Variants in NCAM2 observed in about 807,000 individuals in gnomAD.
NCAM2 encodes N-CAM-2.
Under a neutral mutation model 98.1 loss-of-function variants are expected in NCAM2, and 30 were observed. The observed-to-expected ratio is 0.31, with a 90% CI of 0.23 to 0.41. The LOEUF is 0.41. Among genes scored for constraint, NCAM2 ranks in the 10% least tolerant of loss-of-function variants. The pLI is 1.00. For synonymous variants in NCAM2, 368 were observed against 342.4 expected (o/e 1.07, Z -0.83); for missense variants, 867 against 1,005.8 (o/e 0.86, Z 1.87).
chr21:21,501,433 T>A (rs1408479343), intron 15 of NCAM2, among the ~76,000 whole-genome samples: 4 of 152,018 alleles, frequency 2.6e-5, no homozygotes, highest in African/African-American at 9.7e-5. Flanking sequence ...ATTCAATGGA[T>A]GAAATTATAT....
chr21:21,442,783 T>C (rs1180247863), intron 12 of NCAM2, among the ~76,000 whole-genome samples: 3 of 152,188 alleles, frequency 2.0e-5, no homozygotes, highest in South Asian at 2.1e-4. Context: ...GTGTGACTTT[T>C]CTAAATTTAT....
chr21:21,476,103 A>G (rs1649526216), intron 14 of NCAM2, among the ~76,000 whole-genome samples: 1 of 152,144 alleles, frequency 6.6e-6, no homozygotes, highest in African/African-American at 2.4e-5. Flanking sequence ...CTTTATACTC[A>G]AAGAAGCAGT....
chr21:21,421,963 C>T (rs1239680518), intron 11 of NCAM2, among the ~76,000 whole-genome samples: 1 of 152,044 alleles, frequency 6.6e-6, no homozygotes, highest in Non-Finnish European at 1.5e-5. Flanking sequence ...TTGCATTTTC[C>T]CTTTTTAATA....
intron 1 of NCAM2, among the ~76,000 whole-genome samples, chr21:21,220,525 A>T (rs1341006234): frequency 6.6e-6 from 1 of 152,152 alleles, no homozygotes; most frequent in Non-Finnish European, 1.5e-5. Context: ...TAATGATAAA[A>T]TTACCTAAGG....
intron 15 of NCAM2, among the ~76,000 whole-genome samples, chr21:21,496,515 C>G (rs1186270610): frequency 2.0e-5 from 3 of 151,940 alleles, no homozygotes; most frequent in Non-Finnish European, 4.4e-5. Context: ...GATAATAGAC[C>G]TTTGTAGGAT....
chr21:21,320,793 G>A (rs1290788032), intron 5 of NCAM2, among the ~76,000 whole-genome samples: 1 of 152,042 alleles, frequency 6.6e-6, no homozygotes, highest in Non-Finnish European at 1.5e-5. Context: ...GATGTAAATT[G>A]AAAAATGAGG....
intron 16 of NCAM2, among the ~76,000 whole-genome samples, chr21:21,523,100 T>C (rs182067864): frequency 3.3e-5 from 5 of 152,350 alleles, no homozygotes; most frequent in African/African-American, 1.2e-4. Flanking sequence ...TCCTTGTTAA[T>C]TGAATAGTTT....
At chr21:21,527,113 A>ATTT (rs34914462) in intron 16 of NCAM2, among the ~76,000 whole-genome samples, 1 of 140,820 alleles carries the variant, frequency 7.1e-6, no homozygotes. Context: ...TGAAAGAAAG[A>ATTT]TTTTTTTTTT....
intron 12 of NCAM2, among the ~76,000 whole-genome samples, chr21:21,456,530 A>G (rs1295309456): frequency 6.6e-6 from 1 of 152,224 alleles, no homozygotes; most frequent in Non-Finnish European, 1.5e-5. Context: ...ATATTCTGAG[A>G]AAGACACTGT....
intron 1 of NCAM2, among the ~76,000 whole-genome samples, chr21:21,086,947 A>G (rs1395806933): frequency 2.6e-5 from 4 of 151,550 alleles, no homozygotes. Context: ...TTTTTTACAA[A>G]TACAGAAATA....
At chr21:21,318,249 A>T (rs1296948107) in intron 5 of NCAM2, among the ~76,000 whole-genome samples, 1 of 152,196 alleles carries the variant, frequency 6.6e-6, no homozygotes, top group Non-Finnish European at 1.5e-5. Flanking sequence ...ATTAACTTTC[A>T]AGAATTAAAG....
intron 15 of NCAM2, among the ~76,000 whole-genome samples, chr21:21,487,843 T>C (rs965261192): frequency 6.6e-6 from 1 of 152,162 alleles, no homozygotes; most frequent in African/African-American, 2.4e-5. Context: ...AGCAGTAAAT[T>C]CTTTCCTATA....
chr21:21,180,543 A>G (rs1218564720), intron 1 of NCAM2, among the ~76,000 whole-genome samples: 1 of 152,202 alleles, frequency 6.6e-6, no homozygotes, highest in Admixed American at 6.5e-5. Flanking sequence ...ACTCAATAAT[A>G]TAATTTATTT....
Position 21,396,586 on chromosome 21 carries a change from AGTGGTGAGGG to A in NCAM2, c.1196-13684_1196-13675del, listed in dbSNP as rs569003875. 1.8e-3 allele frequency among the ~76,000 whole-genome samples: 274 copies of A among 152,078 alleles called. 1 individual carries two copies. The highest frequency in any genetic ancestry group is 6.5e-3 in the African/African-American group (270 of 41,512). On this transcript the variant is annotated intron_variant, in intron 9 of 17. Transcript: ENST00000400546. ...CCCGCCAAGGGTGAACCAGGTGGGG[AGTGGTGAGGG>A]GTGTATCAGTGGGCGAGTGCAGGGT...
At chr21:21,229,468 GT>G in intron 1 of NCAM2, among the ~76,000 whole-genome samples, 1 of 151,568 alleles carries the variant, frequency 6.6e-6, no homozygotes, top group Admixed American at 6.6e-5. Flanking sequence ...CTTTCTTTGT[GT>G]TGTGGACATT....
chr21:21,054,402 G>A (rs1241024238), intron 1 of NCAM2, among the ~76,000 whole-genome samples: 2 of 151,928 alleles, frequency 1.3e-5, no homozygotes, highest in Non-Finnish European at 2.9e-5. Flanking sequence ...TAACAGATCA[G>A]CGTAAAATGT....
chr21:21,173,976 T>G (rs2068202078), intron 1 of NCAM2, among the ~76,000 whole-genome samples: 1 of 152,102 alleles, frequency 6.6e-6, no homozygotes, highest in African/African-American at 2.4e-5. Flanking sequence ...CAGGCTGGAG[T>G]GCAGTGGCGC....
chr21:21,470,519 G>A (rs563488439), intron 14 of NCAM2, among the ~76,000 whole-genome samples: 79 of 152,080 alleles, frequency 5.2e-4, no homozygotes, highest in Non-Finnish European at 7.8e-4. Flanking sequence ...TACTGATAAA[G>A]TTTAAACAAG....
rs566213973 is a variant in NCAM2 at position 21,244,307 on chromosome 21, T to A, written c.56-36271T>A. Among the ~76,000 whole-genome samples the A allele has an allele frequency of 1.6e-4, 25 of 152,284 alleles. No homozygotes were observed. The East Asian group carries it at 4.6e-3, about 28-fold the overall frequency. On this transcript the variant is annotated intron_variant, in intron 1 of 17. Coordinates refer to ENST00000400546, the MANE Select transcript of NCAM2 (RefSeq NM_004540.5). ...GTAACAAGAATGTCAAAACCCGTAGTAACTGGAAATGTTTATTTAGTATAA... is the reference window on the plus strand; with the variant it reads ...GTAACAAGAATGTCAAAACCCGTAGAAACTGGAAATGTTTATTTAGTATAA...
Sources: gnomAD v4.1 joint callset for allele counts (sites outside exome capture counted in the v4.1 genomes callset) on GRCh38, gnomAD v4.1.1 for gene constraint, MANE v1.5 for transcripts, NCBI Gene and HGNC (gene_info 2026-07-23, HGNC 2026-07-21) for gene names.